STPG1: variants seen among roughly 807,000 people sequenced by gnomAD.
STPG1 encodes the protein sperm tail PG-rich repeat containing 1.
In STPG1, 33 loss-of-function variants were observed where a neutral mutation model predicts 40.1. The observed-to-expected ratio is 0.82, with a 90% CI of 0.62 to 1.10. The LOEUF is 1.10. Ranked by LOEUF, STPG1 falls within the 50% of genes least tolerant of loss-of-function variation. The pLI is 0.00. For synonymous variants in STPG1, 150 were observed against 155.0 expected, an observed-to-expected ratio of 0.97 and a Z score of 0.24; for missense variants, 396 against 415.1, an observed-to-expected ratio of 0.95 and a Z score of 0.40.
At chr1:24,409,521 A>T (rs1229162189) in intron 1 of STPG1, among the ~76,000 whole-genome samples, 3 of 152,230 alleles carry the variant, frequency 2.0e-5, no homozygotes, top group African/African-American at 7.2e-5. Flanking sequence ...TTCCTGTTTT[A>T]CAGTAGTCCA....
rs1195567709 is a variant in STPG1, at chr1:24,369,660, T to C, written c.737+14A>G. The C allele has an allele frequency of 9.5e-6, 15 of 1,571,226 alleles. No individual in the cohort carries two copies. In the Admixed American group the frequency reaches 2.1e-4, roughly 22 times the overall value. ...CCACCTTTCAAAAGAAAGACCAGAATGATTGGGACTCACGGGAAAAGAGTC... is the reference window on the plus strand; with the variant it reads ...CCACCTTTCAAAAGAAAGACCAGAACGATTGGGACTCACGGGAAAAGAGTC... On this transcript the variant is annotated intron_variant, in intron 7 of 8. Transcript: ENST00000337248.
chr1:24,389,978 G>A (rs527750310), intron 3 of STPG1, among the ~76,000 whole-genome samples: 3 of 152,242 alleles, frequency 2.0e-5, no homozygotes, highest in South Asian at 4.2e-4. Flanking sequence ...CTAGTTCAGC[G>A]TTCTCATCTA....
rs1008095022 is a variant in STPG1, at chr1:24,405,830, C to T, written c.-68-4374G>A. On this transcript the variant is annotated intron_variant, in intron 1 of 8. Transcript: ENST00000337248. ...GAAGTCTTATTTTTTCTGATATTAA[C>T]ATGGCCATTTTGGCTTTCTTTTGAT... Among the ~76,000 whole-genome samples the T allele has an allele frequency of 3.9e-5, 6 of 152,076 alleles. No homozygotes were observed. In the East Asian group the frequency reaches 1.2e-3, roughly 29 times the overall value.
intron 3 of STPG1, among the ~76,000 whole-genome samples, chr1:24,384,703 A>G (rs1642432090): frequency 6.6e-6 from 1 of 152,120 alleles, no homozygotes; most frequent in Non-Finnish European, 1.5e-5. Flanking sequence ...AAGTTGGCTG[A>G]GTGGTGTGAA....
Position 24,391,457 on chromosome 1 carries a change from C to T in STPG1, c.189+104G>A. On this transcript the variant is annotated intron_variant, in intron 3 of 8. Transcript: ENST00000337248. ...GCCGCGGCTCCTGGGAGCACACTGC[C>T]CTCCACTGTCCACAGAAAGACACAG... 4.3e-6 allele frequency: 3 copies of T among 702,270 alleles called. No homozygotes were observed. The Middle Eastern group carries it at 7.3e-4, about 171-fold the overall frequency. The allele number at this position is 702,270 out of a possible 1,614,324, so 43.5% of individuals were successfully genotyped here.
intron 8 of STPG1, among the ~76,000 whole-genome samples, chr1:24,360,215 C>T (rs915288419): frequency 5.9e-5 from 9 of 152,162 alleles, no homozygotes; most frequent in African/African-American, 7.2e-5. Flanking sequence ...GAGGCCAAGA[C>T]GGGCAGACCA....
At chr1:24,360,829 T>C in intron 8 of STPG1, 22 bp downstream of exon 8, 2 of 1,570,082 alleles carry the variant, frequency 1.3e-6, no homozygotes, top group Non-Finnish European at 1.7e-6. Flanking sequence ...GTTTTTACAA[T>C]CATTTAAAAC....
intron 2 of STPG1, chr1:24,392,065 G>A: frequency 1.0e-6 from 1 of 998,134 alleles, no homozygotes; most frequent in Non-Finnish European, 1.2e-6. Flanking sequence ...ACTGCTCCTT[G>A]GCCTAGATTC....
intron 3 of STPG1, 143 bp downstream of exon 3, chr1:24,391,418 T>G: frequency 1.8e-6 from 1 of 542,808 alleles, no homozygotes; most frequent in Non-Finnish European, 3.3e-6. Flanking sequence ...TCGGTGCCCC[T>G]CAGTGGAGCT....
chr1:24,373,564 T>C (rs2148689290), intron 6 of STPG1, 138 bp downstream of exon 6: 3 of 642,014 alleles, frequency 4.7e-6, no homozygotes, highest in Middle Eastern at 4.6e-4. Context: ...CTCCTCTTTG[T>C]TCAGTACCTG....
At chr1:24,372,103 G>A (rs55895255) in intron 6 of STPG1, among the ~76,000 whole-genome samples, 146 of 152,080 alleles carry the variant, frequency 9.6e-4, no homozygotes, top group Non-Finnish European at 1.5e-3. Context: ...ACTTGAACCC[G>A]GGGGGCGGAG....
intron 7 of STPG1, among the ~76,000 whole-genome samples, chr1:24,363,738 A>C (rs1399939619): frequency 6.6e-6 from 1 of 152,228 alleles, no homozygotes; most frequent in Admixed American, 6.5e-5. Context: ...CATTAATTCC[A>C]ACAAGATGAA....
chr1:24,372,896 T>C (rs1288229803), intron 6 of STPG1, among the ~76,000 whole-genome samples: 3 of 152,026 alleles, frequency 2.0e-5, no homozygotes, highest in Non-Finnish European at 4.4e-5. Flanking sequence ...GATAATCTAA[T>C]ATAATAAGTG....
intron 8 of STPG1, among the ~76,000 whole-genome samples, chr1:24,358,853 C>T (rs1640900859): frequency 6.6e-6 from 1 of 152,136 alleles, no homozygotes; most frequent in Admixed American, 6.5e-5. Context: ...ACTTCTTTAA[C>T]AGAACAAAAT....
intron 1 of STPG1, among the ~76,000 whole-genome samples, chr1:24,403,559 A>G (rs1250017399): frequency 6.6e-6 from 1 of 152,152 alleles, no homozygotes; most frequent in Non-Finnish European, 1.5e-5. Context: ...GAGAATTTAC[A>G]TCTTAACTTT....
chr1:24,407,503 G>A (rs182077959), intron 1 of STPG1, among the ~76,000 whole-genome samples: 6 of 148,816 alleles, frequency 4.0e-5, no homozygotes, highest in Admixed American at 6.7e-5. Context: ...TTGCAGTGGC[G>A]CAATCTCGGC....
chr1:24,358,562 T>A lies in STPG1; in HGVS notation c.986A>T (p.Lys329Ile). The change falls in exon 9 of 9, where the codon AAA becomes ATA. Residue 329 changes from lysine to isoleucine, a missense_variant. Lys to Ile is a moderately radical substitution (Grantham distance 102). Coordinates refer to ENST00000337248, the MANE Select transcript of STPG1 (RefSeq NM_001199013.2). ...KQSFLYNEDK[K>I]WIPVL ...ACATCCCTACAGAACCGGGATCCAT[T>A]TCTTGTCCTCGTTGTAGAGGAAGGA... 1 of 1,614,068 alleles carries A rather than the reference T, an allele frequency of 6.2e-7. No individual in the cohort carries two copies. Among genetic ancestry groups the A allele is most frequent in the Non-Finnish European group, 8.5e-7 (1 of 1,179,918 alleles).
chr1:24,401,931 C>A (rs1327838256), intron 1 of STPG1, among the ~76,000 whole-genome samples: 4 of 152,142 alleles, frequency 2.6e-5, no homozygotes, highest in Admixed American at 2.6e-4. Flanking sequence ...AGGTAATCTG[C>A]CTGCCTCTGC....
rs745599379 is a variant in STPG1, at chr1:24,358,612, G to T, written c.936C>A (p.Tyr312Ter). Residue 312 changes from tyrosine to a stop codon, truncating the protein, a stop_gained, in exon 9 of 9, where the codon TAC becomes TAA. Transcript: ENST00000337248. LOFTEE classifies it high-confidence loss of function. ...PQPGLPGPAT[Y>*]KPELPGKQSF... is the part of the protein sequence containing the mutation. ...ACTGCTTTCCTGGAAGCTCTGGCTTGTACGTAGCTGTGAGGGGACAGAGAG... is the reference window on the plus strand; with the variant it reads ...ACTGCTTTCCTGGAAGCTCTGGCTTTTACGTAGCTGTGAGGGGACAGAGAG... 6.2e-7 allele frequency: 1 copy of T among 1,613,292 alleles called. No individual in the cohort carries two copies. The highest frequency in any genetic ancestry group is 8.5e-7 in the Non-Finnish European group (1 of 1,179,284).
Sources: allele counts gnomAD v4.1 joint callset (sites outside exome capture counted in the v4.1 genomes callset), GRCh38; gene constraint gnomAD v4.1.1; transcripts MANE v1.5; gene names NCBI Gene and HGNC (gene_info 2026-07-23, HGNC 2026-07-21).